RANBP2: variants seen among roughly 807,000 people sequenced by gnomAD.
RANBP2 encodes the protein RAN binding protein 2.
RANBP2 carries 57 observed loss-of-function variants against 303.6 expected under a neutral mutation model. The observed-to-expected ratio is 0.19, with a 90% CI of 0.15 to 0.23. RANBP2 has a LOEUF of 0.23. Ranked by LOEUF, RANBP2 falls within the 10% of genes least tolerant of loss-of-function variation. The pLI is 1.00. For synonymous variants in RANBP2, 1,167 were observed against 1,301.5 expected (o/e 0.90, Z 2.23); for missense variants, 3,138 against 3,780.8 (o/e 0.83, Z 4.46).
At chr2:109,587,680 G>A in the RANBP2 span, among the ~76,000 whole-genome samples, 3 of 152,102 alleles carry the variant, frequency 2.0e-5, no homozygotes, top group East Asian at 3.9e-4. Context: ...TTGGGAGGCC[G>A]AGGCGGGTGG....
the RANBP2 span, chr2:109,616,976 C>G: frequency 6.0e-6 from 1 of 166,796 alleles, no homozygotes; most frequent in African/African-American, 2.4e-5. Flanking sequence ...TTGGCATAAC[C>G]CTATTTAATG....
chr2:109,395,177 G>A, the RANBP2 span, among the ~76,000 whole-genome samples: 1 of 152,352 alleles, frequency 6.6e-6, no homozygotes, highest in Non-Finnish European at 1.5e-5. Flanking sequence ...TGCGCTACTC[G>A]CATGCCTGTG....
rs1387052114 is a variant in RANBP2, at chr2:108,719,600, C to T, written c.-7C>T. 2 of 1,602,720 alleles carry T rather than the reference C, an allele frequency of 1.2e-6. No homozygotes were observed. Among genetic ancestry groups the T allele is most frequent in the East Asian group, 2.2e-5 (1 of 44,578 alleles). ...TCACGCGCCTCGGGAGCCAGGTTGG[C>T]GGCGCGATGAGGCGCAGCAAGGCTG... On this transcript the variant is annotated 5_prime_UTR_variant, in exon 1 of 29. Coordinates refer to ENST00000283195, the MANE Select transcript of RANBP2 (RefSeq NM_006267.5).
At chr2:108,780,024 G>C (rs1217620922) in intron 25 of RANBP2, among the ~76,000 whole-genome samples, 1 of 152,052 alleles carries the variant, frequency 6.6e-6, no homozygotes, top group African/African-American at 2.4e-5. Flanking sequence ...TTTAGAAGTA[G>C]GTAAAAAGAA....
chr2:109,319,756 C>G, the RANBP2 span, among the ~76,000 whole-genome samples: 2 of 152,242 alleles, frequency 1.3e-5, no homozygotes, highest in African/African-American at 4.8e-5. Flanking sequence ...CCTGTCCAGG[C>G]CGTGTGTGGC....
the RANBP2 span, among the ~76,000 whole-genome samples, chr2:108,892,222 C>G: frequency 6.6e-6 from 1 of 152,142 alleles, no homozygotes; most frequent in Non-Finnish European, 1.5e-5. Flanking sequence ...CCCAGTGGGG[C>G]TTGCTTTCCA....
the RANBP2 span, chr2:108,857,004 C>A: frequency 8.7e-7 from 1 of 1,145,688 alleles, no homozygotes; most frequent in Non-Finnish European, 1.2e-6. Flanking sequence ...GTAAAGAAAG[C>A]AGGATGATTT....
chr2:109,689,300 G>A, the RANBP2 span, among the ~76,000 whole-genome samples: 1 of 152,158 alleles, frequency 6.6e-6, no homozygotes, highest in Non-Finnish European at 1.5e-5. Flanking sequence ...CTTTTGGAAA[G>A]ACCCACAACA....
chr2:109,032,732 G>A, the RANBP2 span, among the ~76,000 whole-genome samples: 8 of 152,304 alleles, frequency 5.3e-5, 1 homozygote, highest in Middle Eastern at 3.4e-3. Context: ...AACTCACAGA[G>A]CATTTGATTT....
chr2:108,997,528 C>T, the RANBP2 span, among the ~76,000 whole-genome samples: 1 of 150,294 alleles, frequency 6.7e-6, no homozygotes, highest in African/African-American at 2.4e-5. Flanking sequence ...TTTGGCATAC[C>T]TAACAGATAG....
At chr2:108,769,449 A>G (rs1240737561) in intron 20 of RANBP2, 1 of 868,788 alleles carries the variant, frequency 1.2e-6, no homozygotes, top group Non-Finnish European at 1.4e-6. Flanking sequence ...TACCACTACA[A>G]CATGCATGTT....
At chr2:109,317,923 C>T in the RANBP2 span, among the ~76,000 whole-genome samples, 4 of 152,178 alleles carry the variant, frequency 2.6e-5, no homozygotes, top group Admixed American at 6.5e-5. Flanking sequence ...CTGGCTGCAC[C>T]GCTGAGGGGA....
the RANBP2 span, among the ~76,000 whole-genome samples, chr2:108,842,202 GTTT>G: frequency 4.2e-5 from 6 of 142,126 alleles, no homozygotes; most frequent in Non-Finnish European, 3.1e-5. Flanking sequence ...TAATTAAAAA[GTTT>G]TTTTTTTTTT....
chr2:109,058,466 C>T, the RANBP2 span, among the ~76,000 whole-genome samples: 1 of 152,208 alleles, frequency 6.6e-6, no homozygotes, highest in East Asian at 1.9e-4. Flanking sequence ...GGCTCTCCTT[C>T]CTGAGATATT....
At chr2:109,165,609 C>T in the RANBP2 span, among the ~76,000 whole-genome samples, 4 of 152,140 alleles carry the variant, frequency 2.6e-5, no homozygotes, top group Non-Finnish European at 5.9e-5. Context: ...CAGACATTGC[C>T]AACTCTGCCT....
the RANBP2 span, among the ~76,000 whole-genome samples, chr2:109,472,448 G>A: frequency 3.9e-5 from 6 of 152,202 alleles, no homozygotes; most frequent in East Asian, 1.9e-4. Flanking sequence ...GCTTCCCGAC[G>A]GGGCTTCCCG....
the RANBP2 span, among the ~76,000 whole-genome samples, chr2:109,442,810 A>G: frequency 1.3e-5 from 2 of 152,272 alleles, no homozygotes; most frequent in Non-Finnish European, 2.9e-5. Context: ...TACATGGGTC[A>G]AAGAGAAAAC....
At chr2:109,289,034 C>T in the RANBP2 span, among the ~76,000 whole-genome samples, 1 of 152,168 alleles carries the variant, frequency 6.6e-6, no homozygotes, top group Non-Finnish European at 1.5e-5. Flanking sequence ...TGCTCACTAA[C>T]ATTCGTTTGT....
the RANBP2 span, chr2:109,758,651 C>A: frequency 1.3e-5 from 2 of 149,548 alleles, no homozygotes; most frequent in East Asian, 2.0e-4. Flanking sequence ...TCCTGTCTGA[C>A]CAGCGAGAAG....
Sources: allele counts gnomAD v4.1 joint callset (sites outside exome capture counted in the v4.1 genomes callset), GRCh38; gene constraint gnomAD v4.1.1; transcripts MANE v1.5; gene names NCBI Gene and HGNC (gene_info 2026-07-23, HGNC 2026-07-21).